ATAD2: variants seen among roughly 807,000 people sequenced by gnomAD.
ATAD2 encodes the protein ATPase family AAA domain containing 2.
A neutral mutation model predicts 168.9 loss-of-function variants in ATAD2; 62 were observed. The ratio of observed to expected loss-of-function variants is 0.37; its 90% CI spans 0.30 to 0.45. The LOEUF (loss-of-function observed/expected upper bound fraction) is 0.45. Ranked by LOEUF, ATAD2 falls within the 20% of genes least tolerant of loss-of-function variation. The probability of loss-of-function intolerance (pLI) is 1.00; values close to 1 mark genes in which losing one functional copy is unlikely to be tolerated. For synonymous variants in ATAD2, 613 were observed against 571.6 expected (o/e 1.07, Z -1.03); for missense variants, 1,419 against 1,667.8 (o/e 0.85, Z 2.60).
In ATAD2 at chr8:123,337,664, C is replaced by G; in HGVS notation, c.3012G>C (p.Lys1004Asn). Residue 1004 changes from lysine (K) to asparagine (N), a missense_variant, in exon 21 of 28, where the codon AAG becomes AAC. Lys to Asn is a moderately conservative substitution (Grantham distance 94). Around this residue, in one of 5 missense-constraint regions of ATAD2, gnomAD observed 545 missense variants for 724.9 expected, o/e 0.75. Transcript: ENST00000287394. ...RNVTHRLAID[K>N]RFRVFTKPVD... The stretch of plus-strand genomic sequence containing the variant: ...CAGGCTTAGTAAACACTCGGAATCG[C>G]TTGTCAATAGCAAGCCTATGTGTAA... The G allele has an allele frequency of 6.2e-7, 1 of 1,612,646 alleles. No individual in the cohort carries two copies. Among genetic ancestry groups the G allele is most frequent in the Non-Finnish European group, 8.5e-7 (1 of 1,179,420 alleles).
chr8:123,373,617 T>C (rs977420517), intron 2 of ATAD2, among the ~76,000 whole-genome samples: 5 of 151,670 alleles, frequency 3.3e-5, no homozygotes, highest in African/African-American at 1.2e-4. Flanking sequence ...TGAAACCCCG[T>C]CTCTACTACA....
chr8:123,336,590 C>A, intron 21 of ATAD2, 58 bp from the exon 22 acceptor site: 1 of 1,341,754 alleles, frequency 7.5e-7, no homozygotes, highest in South Asian at 1.8e-5. Flanking sequence ...ACATGTGAGT[C>A]AAGTTTCGAT....
At chr8:123,410,670 G>C (rs1380629574) in intron 1 of ATAD2, among the ~76,000 whole-genome samples, 1 of 152,136 alleles carries the variant, frequency 6.6e-6, no homozygotes, top group African/African-American at 2.4e-5. Context: ...TTGCATGGGA[G>C]CTCTGTTTTC....
chr8:123,323,847 T>C (rs1344340477), intron 26 of ATAD2, among the ~76,000 whole-genome samples: 4 of 152,236 alleles, frequency 2.6e-5, no homozygotes, highest in African/African-American at 4.8e-5. Flanking sequence ...TATATGGTAC[T>C]ATTACATAGT....
intron 1 of ATAD2, among the ~76,000 whole-genome samples, chr8:123,384,615 G>A (rs1237632082): frequency 6.6e-6 from 1 of 152,198 alleles, no homozygotes; most frequent in Non-Finnish European, 1.5e-5. Context: ...AAGCACCCAT[G>A]TGCCAGGCCC....
At chr8:123,401,932 T>A in intron 1 of ATAD2, 2 of 791,526 alleles carry the variant, frequency 2.5e-6, no homozygotes, top group Non-Finnish European at 4.6e-6. Context: ...TTCAGAAGTT[T>A]GTGCCCTACC....
At chr8:123,369,019 T>G (rs1216338109) in intron 8 of ATAD2, 39 bp downstream of exon 8, 2 of 1,262,230 alleles carry the variant, frequency 1.6e-6, no homozygotes, top group Admixed American at 1.9e-5. Context: ...ATAAAAACAA[T>G]TATGTTGTCA....
intron 22 of ATAD2, 31 bp from the exon 23 acceptor site, chr8:123,334,353 AT>A: frequency 6.8e-7 from 1 of 1,472,026 alleles, no homozygotes; most frequent in Non-Finnish European, 9.0e-7. Flanking sequence ...GTAATTTTTA[AT>A]TTCCCCCTTT....
intron 18 of ATAD2, 112 bp downstream of exon 18, chr8:123,345,974 C>T (rs1828226749): frequency 3.5e-6 from 3 of 862,572 alleles, no homozygotes; most frequent in Admixed American, 3.1e-5. Context: ...GTTTTGTAAA[C>T]CTAAAGTTAC....
At chr8:123,408,433 G>A (rs1020338805) in intron 1 of ATAD2, among the ~76,000 whole-genome samples, 4 of 152,198 alleles carry the variant, frequency 2.6e-5, no homozygotes, top group Non-Finnish European at 5.9e-5. Flanking sequence ...CCAAAGATGC[G>A]GGGCAGAGAT....
At chr8:123,355,703 A>G (rs1358888430) in intron 13 of ATAD2, among the ~76,000 whole-genome samples, 1 of 152,192 alleles carries the variant, frequency 6.6e-6, no homozygotes. Context: ...CGATTTTTCA[A>G]GTCTGGGTAA....
chr8:123,344,821 A>C (rs569516668), intron 19 of ATAD2, 63 bp downstream of exon 19: 1 of 1,528,518 alleles, frequency 6.5e-7, no homozygotes, highest in African/African-American at 1.4e-5. Context: ...TCAATAAGTT[A>C]TGATTATTGT....
At chr8:123,349,159 G>T in intron 14 of ATAD2, 126 bp downstream of exon 14, 1 of 939,548 alleles carries the variant, frequency 1.1e-6, no homozygotes, top group Non-Finnish European at 1.5e-6. Flanking sequence ...CATTTGAGTT[G>T]TTTACTATCA....
intron 21 of ATAD2, among the ~76,000 whole-genome samples, chr8:123,336,827 A>G (rs1168107360): frequency 6.6e-6 from 1 of 152,018 alleles, no homozygotes; most frequent in African/African-American, 2.4e-5. Context: ...AGAGCAACTT[A>G]AGACGTGGCT....
At chr8:123,397,205 C>T (rs1299119883), upstream of ATAD2, among the ~76,000 whole-genome samples, 1 of 131,032 alleles carries the variant, frequency 7.6e-6, no homozygotes, top group Non-Finnish European at 1.5e-5. Context: ...CGTGCCACTG[C>T]ACTCCAGCCT....
At chr8:123,373,191 C>G (rs957366792) in intron 2 of ATAD2, among the ~76,000 whole-genome samples, 1 of 151,526 alleles carries the variant, frequency 6.6e-6, no homozygotes, top group African/African-American at 2.4e-5. Context: ...CACGCCTGGC[C>G]GCTAACTTTT....
Position 123,361,525 on chromosome 8 carries a change from A to G in ATAD2, c.1157+14T>C, listed in dbSNP as rs764879859. The stretch of plus-strand genomic sequence containing the variant: ...GTGTCTGCTAGTTTAAAAAGGCATC[A>G]ATATGGCACTTACCTATTGATAGCC... On this transcript the variant is annotated intron_variant, in intron 9 of 27. Transcript: ENST00000287394. 6.3e-7 allele frequency: 1 copy of G among 1,587,720 alleles called. No individual in the cohort carries two copies. Among genetic ancestry groups the G allele is most frequent in the Non-Finnish European group, 8.6e-7 (1 of 1,158,396 alleles).
In ATAD2 at chr8:123,353,014, T is replaced by A. The variant is rs140610870; in HGVS notation, c.1646+3375A>T. Among the ~76,000 whole-genome samples the A allele has an allele frequency of 9.8e-4, 149 of 152,024 alleles. 1 individual carries two copies. The East Asian group carries it at 0.022, about 23-fold the overall frequency. On this transcript the variant is annotated intron_variant, in intron 13 of 27. Transcript: ENST00000287394. Reference sequence around the variant, plus strand: ...CCCAGGAGATCAAGGCTGCAGTGAGTTGTGATCATGCTACTGCACTCCAGC... The same window carrying A: ...CCCAGGAGATCAAGGCTGCAGTGAGATGTGATCATGCTACTGCACTCCAGC...
chr8:123,359,024 G>A (rs1187999153), intron 11 of ATAD2, among the ~76,000 whole-genome samples, 197 bp downstream of exon 11: 3 of 151,498 alleles, frequency 2.0e-5, no homozygotes, highest in African/African-American at 7.3e-5. Context: ...CTTTTATGAT[G>A]GGGGGAAAGC....
Sources: allele counts gnomAD v4.1 joint callset (sites outside exome capture counted in the v4.1 genomes callset), GRCh38; gene constraint gnomAD v4.1.1; regional missense constraint gnomAD v4.1.1; transcripts MANE v1.5; gene names NCBI Gene and HGNC (gene_info 2026-07-23, HGNC 2026-07-21).